The following KCNIP4 variants were observed in gnomAD, a reference collection of about 807,000 sequenced individuals.
KCNIP4 encodes potassium voltage-gated channel interacting protein 4, also known as Kv channel-interacting protein 4.
A neutral mutation model predicts 34.0 loss-of-function variants in KCNIP4; 12 were observed. The observed-to-expected ratio is 0.35, with a 90% CI of 0.23 to 0.57. KCNIP4 has a LOEUF of 0.57. Ranked by LOEUF, KCNIP4 falls within the 20% of genes least tolerant of loss-of-function variation. KCNIP4 has a pLI of 0.83. For synonymous variants in KCNIP4, 124 were observed against 102.2 expected (o/e 1.21, Z -1.29); for missense variants, 238 against 311.7 (o/e 0.76, Z 1.78).
intron 1 of KCNIP4, among the ~76,000 whole-genome samples, chr4:21,741,760 C>T (rs74623317): frequency 0.015 from 2,317 of 152,164 alleles, 25 homozygotes; most frequent in Non-Finnish European, 0.025. Flanking sequence ...TACACTAGGC[C>T]GGGCGTGGTG....
chr4:20,792,697 T>C (rs1177687460), intron 3 of KCNIP4, among the ~76,000 whole-genome samples: 1 of 152,060 alleles, frequency 6.6e-6, no homozygotes, highest in Non-Finnish European at 1.5e-5. Flanking sequence ...TCTTAATAAA[T>C]TCAAGAGCAC....
At chr4:20,903,956 G>A (rs1422515830) in intron 1 of KCNIP4, among the ~76,000 whole-genome samples, 1 of 152,096 alleles carries the variant, frequency 6.6e-6, no homozygotes, top group East Asian at 1.9e-4. Flanking sequence ...TAGATCAACT[G>A]CTGCAGGTGG....
intron 1 of KCNIP4, among the ~76,000 whole-genome samples, chr4:21,019,689 A>G (rs935706598): frequency 1.3e-5 from 2 of 152,240 alleles, no homozygotes; most frequent in Non-Finnish European, 2.9e-5. Flanking sequence ...ATACAGTGAC[A>G]TATATAATGC....
intron 1 of KCNIP4, among the ~76,000 whole-genome samples, chr4:21,208,063 G>A (rs763391960): frequency 7.9e-5 from 12 of 151,676 alleles, no homozygotes; most frequent in Admixed American, 3.9e-4. Context: ...GGCTGGTCTC[G>A]GACTCATGAG....
chr4:21,671,742 T>G (rs1019581189), intron 1 of KCNIP4, among the ~76,000 whole-genome samples: 3 of 152,164 alleles, frequency 2.0e-5, no homozygotes, highest in African/African-American at 7.2e-5. Context: ...CCGAAACCTA[T>G]GCTGAAGTGC....
intron 1 of KCNIP4, among the ~76,000 whole-genome samples, chr4:21,917,643 T>C (rs189432543): frequency 1.3e-5 from 2 of 152,318 alleles, no homozygotes; most frequent in Admixed American, 1.3e-4. Context: ...GTTGTGTCAT[T>C]CTATGCAAAA....
At chr4:20,731,655 A>T in intron 8 of KCNIP4, 1 of 985,272 alleles carries the variant, frequency 1.0e-6, no homozygotes, top group South Asian at 4.7e-5. Flanking sequence ...CTGTGGAGAT[A>T]TGATAGATAA....
chr4:21,006,229 T>G (rs1577522106), intron 1 of KCNIP4, among the ~76,000 whole-genome samples: 1 of 152,240 alleles, frequency 6.6e-6, no homozygotes, highest in Non-Finnish European at 1.5e-5. Context: ...GAGGAGGAAA[T>G]GGACACTAAA....
chr4:21,183,808 C>A (rs1428494934), intron 1 of KCNIP4, among the ~76,000 whole-genome samples: 1 of 152,026 alleles, frequency 6.6e-6, no homozygotes, highest in Non-Finnish European at 1.5e-5. Context: ...ACCTGGGAGT[C>A]TTTTCTCTGA....
intron 1 of KCNIP4, among the ~76,000 whole-genome samples, chr4:21,832,544 T>C (rs1723051557): frequency 6.6e-6 from 1 of 151,852 alleles, no homozygotes; most frequent in Non-Finnish European, 1.5e-5. Flanking sequence ...TCCAAAACAA[T>C]TCCAGATGAA....
chr4:21,509,574 T>C (rs1448528933), intron 1 of KCNIP4, among the ~76,000 whole-genome samples: 1 of 152,156 alleles, frequency 6.6e-6, no homozygotes, highest in Non-Finnish European at 1.5e-5. Flanking sequence ...ATACCATTAA[T>C]ATACCCATTA....
intron 1 of KCNIP4, among the ~76,000 whole-genome samples, chr4:21,564,821 C>G (rs1053454890): frequency 1.3e-5 from 2 of 151,442 alleles, no homozygotes; most frequent in African/African-American, 4.8e-5. Context: ...AGAGAGGAAG[C>G]AAGAGAGAGA....
chr4:20,909,349 A>G (rs1728107877), intron 1 of KCNIP4, among the ~76,000 whole-genome samples: 2 of 152,184 alleles, frequency 1.3e-5, no homozygotes, highest in Admixed American at 6.5e-5. Flanking sequence ...CTTGTCACTC[A>G]GTGCACCACG....
At chr4:21,043,005 T>A (rs1742097474) in intron 1 of KCNIP4, among the ~76,000 whole-genome samples, 1 of 152,226 alleles carries the variant, frequency 6.6e-6, no homozygotes, top group Non-Finnish European at 1.5e-5. Context: ...GTCAAATTGA[T>A]CAGTTATTGC....
intron 1 of KCNIP4, among the ~76,000 whole-genome samples, chr4:21,187,401 C>CATTCCAAACACTGCGGCAA (rs1755312691): frequency 6.6e-6 from 1 of 152,176 alleles, no homozygotes; most frequent in Admixed American, 6.5e-5. Context: ...GGCAAAGGGA[C>CATTCCAAACACTGCGGCAA]ATTCCAAACA....
chr4:21,075,771 C>G (rs1033402164), intron 1 of KCNIP4, among the ~76,000 whole-genome samples: 1 of 152,180 alleles, frequency 6.6e-6, no homozygotes, highest in Non-Finnish European at 1.5e-5. Context: ...TTTGCAGTGG[C>G]TGGTACAAGT....
chr4:20,901,291 TTC>T (rs1171184940), intron 1 of KCNIP4, among the ~76,000 whole-genome samples: 1 of 152,224 alleles, frequency 6.6e-6, no homozygotes, highest in Non-Finnish European at 1.5e-5. Context: ...CATACTGGGT[TTC>T]TCTTTTTCTT....
At chr4:21,224,101 GT>G (rs1758181392) in intron 1 of KCNIP4, among the ~76,000 whole-genome samples, 1 of 152,056 alleles carries the variant, frequency 6.6e-6, no homozygotes, top group Admixed American at 6.6e-5. Flanking sequence ...CTCATCCTCA[GT>G]TTTAAGAATC....
intron 1 of KCNIP4, among the ~76,000 whole-genome samples, chr4:20,997,150 A>G (rs780739608): frequency 6.6e-6 from 1 of 152,218 alleles, no homozygotes; most frequent in African/African-American, 2.4e-5. Context: ...GGCAGTTGAC[A>G]GGCATGATCA....
Sources: gnomAD v4.1 joint callset for allele counts (sites outside exome capture counted in the v4.1 genomes callset) on GRCh38, gnomAD v4.1.1 for gene constraint, MANE v1.5 for transcripts, NCBI Gene and HGNC (gene_info 2026-07-23, HGNC 2026-07-21) for gene names.